Variants in DRC3 observed in about 807,000 individuals in gnomAD.
DRC3 encodes dynein regulatory complex subunit 3, also known as leucine rich repeat containing 48.
DRC3 carries 45 observed loss-of-function variants against 57.6 expected under a neutral mutation model. The ratio of observed to expected loss-of-function variants is 0.78; its 90% CI spans 0.62 to 1.00. The LOEUF is 1.00. DRC3 is among the 50% of genes least tolerant of loss of function. The pLI is 0.00. For synonymous variants in DRC3, 257 were observed against 272.3 expected (o/e 0.94, Z 0.55); for missense variants, 655 against 675.2 (o/e 0.97, Z 0.33).
intron 10 of DRC3, 178 bp downstream of exon 10, chr17:18,004,672 AC>A: frequency 1.6e-6 from 1 of 627,280 alleles, no homozygotes; most frequent in Non-Finnish European, 2.7e-6. Context: ...TTAATCATTT[AC>A]ATTGGAAGTG....
rs1415263823 is a variant in DRC3, at chr17:18,007,017, GC to G, written c.1203-6del. 6.2e-7 allele frequency: 1 copy of G among 1,613,166 alleles called. No individual in the cohort carries two copies. Among genetic ancestry groups the G allele is most frequent in the East Asian group, 2.2e-5 (1 of 44,840 alleles). ...CTCCCGGGCCTTTGCTTAACTCGGGGCTGCACGATGGCTCAGTGCCGGGACC... is the reference window on the plus strand; with the variant it reads ...CTCCCGGGCCTTTGCTTAACTCGGGGTGCACGATGGCTCAGTGCCGGGACC... On this transcript the variant is annotated splice_region_variant and splice_polypyrimidine_tract_variant and intron_variant, in intron 11 of 13. Coordinates refer to ENST00000399187, the MANE Select transcript of DRC3 (RefSeq NM_031294.4).
chr17:18,011,311 C>T (rs567020417), intron 12 of DRC3: 382 of 348,298 alleles, frequency 1.1e-3, no homozygotes, highest in Non-Finnish European at 1.6e-3. Context: ...CCCCAGCCAG[C>T]GCAGCAGGTT....
chr17:18,016,733 G>A lies in DRC3; in HGVS notation c.*62G>A. The A allele has an allele frequency of 9.3e-7, 1 of 1,070,956 alleles. No individual in the cohort carries two copies. The highest frequency in any genetic ancestry group is 1.4e-6 in the Non-Finnish European group (1 of 703,762). The allele number at this position is 1,070,956 out of a possible 1,614,324, so 66.3% of individuals were successfully genotyped here. ...CACCAGCCCCAGCCAGGAGAAGGAA[G>A]TGCACACGCCTCACCCGCACCTCTA... On this transcript the variant is annotated 3_prime_UTR_variant, in exon 14 of 14. Transcript: ENST00000399187.
intron 9 of DRC3, among the ~76,000 whole-genome samples, chr17:17,997,888 C>T (rs551481831): frequency 1.3e-5 from 2 of 152,140 alleles, no homozygotes; most frequent in African/African-American, 2.4e-5. Flanking sequence ...CACAAAGTGC[C>T]CTTGGGATTC....
At chr17:18,009,300 T>C (rs2044089322) in intron 12 of DRC3, among the ~76,000 whole-genome samples, 1 of 152,052 alleles carries the variant, frequency 6.6e-6, no homozygotes, top group African/African-American at 2.4e-5. Flanking sequence ...TCCCAGCTAC[T>C]TGGGAGACTG....
chr17:17,980,420 A>T (rs1301933413), intron 3 of DRC3, among the ~76,000 whole-genome samples: 1 of 151,502 alleles, frequency 6.6e-6, no homozygotes, highest in African/African-American at 2.4e-5. Context: ...TCAGCCTCCC[A>T]AGTAGCTGGA....
chr17:18,004,669 T>C, intron 10 of DRC3, 175 bp downstream of exon 10: 1 of 640,448 alleles, frequency 1.6e-6, no homozygotes, highest in Non-Finnish European at 2.6e-6. Flanking sequence ...ATTTTAATCA[T>C]TTACATTGGA....
chr17:17,977,799 C>CA (rs761762088), intron 3 of DRC3, 41 bp downstream of exon 3: 1 of 1,526,670 alleles, frequency 6.6e-7, no homozygotes, highest in East Asian at 2.3e-5. Flanking sequence ...AGGGTGGGCC[C>CA]TCCCTGGCTT....
At chr17:18,005,528 C>T (rs1366291272) in intron 10 of DRC3, 1 of 152,320 alleles carries the variant, frequency 6.6e-6, no homozygotes, top group Non-Finnish European at 1.5e-5. Context: ...CCCATTTGGG[C>T]CTTAGGTGCC....
At chr17:18,005,333 C>G (rs2043907202) in intron 10 of DRC3, 2 of 152,232 alleles carry the variant, frequency 1.3e-5, no homozygotes, top group African/African-American at 2.4e-5. Context: ...TTCACGAGAA[C>G]AGCACATACA....
At chr17:17,980,828 C>G (rs1489155321) in intron 3 of DRC3, among the ~76,000 whole-genome samples, 1 of 152,074 alleles carries the variant, frequency 6.6e-6, no homozygotes, top group African/African-American at 2.4e-5. Context: ...CTCTTGACCT[C>G]GTGATCTGCC....
Position 18,004,477 on chromosome 17 carries a change from C to G in DRC3, c.1114C>G (p.Leu372Val). The change falls in exon 10 of 14, where the codon CTG (leucine) becomes GTG (valine). Residue 372 changes from leucine (L) to valine (V), a missense_variant. Transcript: ENST00000399187. ...FDALMTLEMQ[L>V]VEQLEETINM... ...TGCGCTCATGACGCTGGAGATGCAG[C>G]TGGTGGAGCAGCTGGAGGTAAGGCT... The G allele has an allele frequency of 6.2e-7, 1 of 1,611,184 alleles. No homozygotes were observed. The highest frequency in any genetic ancestry group is 2.2e-5 in the East Asian group (1 of 44,810).
At chr17:18,012,403 G>A (rs1315941874) in intron 12 of DRC3, among the ~76,000 whole-genome samples, 1 of 152,194 alleles carries the variant, frequency 6.6e-6, no homozygotes, top group Non-Finnish European at 1.5e-5. Context: ...AAACTGGCAG[G>A]GCGCAGTGGC....
chr17:18,007,824 C>T, intron 12 of DRC3: 1 of 1,011,988 alleles, frequency 9.9e-7, no homozygotes, highest in South Asian at 4.2e-5. Flanking sequence ...GCATCATTCA[C>T]TCCACTGCCA....
chr17:18,000,267 T>C (rs933483947), intron 9 of DRC3, among the ~76,000 whole-genome samples: 3 of 146,984 alleles, frequency 2.0e-5, no homozygotes, highest in Non-Finnish European at 4.5e-5. Flanking sequence ...TGTGTGTGTG[T>C]GCATAGCATG....
chr17:18,015,823 T>C, intron 12 of DRC3: 1 of 447,442 alleles, frequency 2.2e-6, no homozygotes, highest in East Asian at 3.6e-5. Flanking sequence ...CAGCGGGGAC[T>C]GCAAAGTAAC....
At chr17:18,002,412 T>C (rs778354257) in intron 9 of DRC3, among the ~76,000 whole-genome samples, 126 of 152,310 alleles carry the variant, frequency 8.3e-4, no homozygotes, top group Non-Finnish European at 1.3e-3. Context: ...CTGGTGTTGG[T>C]GGTAACCCAG....
chr17:18,007,067 C>A lies in DRC3; in HGVS notation c.1246C>A (p.Leu416Ile). Residue 416 changes from leucine to isoleucine, a missense_variant, in exon 12 of 14, where the codon CTC (leucine) becomes ATC (isoleucine). Transcript: ENST00000399187. ...RDLENHHHEK[L>I]LEISISTLEK... ...CCTGGAGAATCACCACCACGAGAAGCTCCTGGAGATCTCTATCAGCACCCT... is the reference window on the plus strand; with the variant it reads ...CCTGGAGAATCACCACCACGAGAAGATCCTGGAGATCTCTATCAGCACCCT... The A allele has an allele frequency of 6.8e-7, 1 of 1,473,268 alleles. No homozygotes were observed. The highest frequency in any genetic ancestry group is 1.1e-5 in the South Asian group (1 of 88,158). 91.3% of individuals were successfully genotyped at this position (1,473,268 alleles called of 1,614,324 possible). A position where few individuals can be genotyped will look rare whatever the true frequency, so the allele number is the denominator to read the frequency against.
chr17:18,005,906 G>A, intron 10 of DRC3: 1 of 432,800 alleles, frequency 2.3e-6, no homozygotes, highest in African/African-American at 2.0e-5. Context: ...GGGCAGGCAG[G>A]TAAGGGGAGT....
Sources: allele counts gnomAD v4.1 joint callset (sites outside exome capture counted in the v4.1 genomes callset), GRCh38; gene constraint gnomAD v4.1.1; transcripts MANE v1.5; gene names NCBI Gene and HGNC (gene_info 2026-07-23, HGNC 2026-07-21).